The following RMDN2 variants were observed in gnomAD, a reference collection of about 807,000 sequenced individuals.
RMDN2 encodes regulator of microtubule dynamics protein 2.
In RMDN2, 61 loss-of-function variants were observed where a neutral mutation model predicts 52.8. The ratio of observed to expected loss-of-function variants is 1.16; its 90% CI spans 0.94 to 1.43. The LOEUF (loss-of-function observed/expected upper bound fraction) is 1.43. Among genes scored for constraint, RMDN2 ranks in the 40% most tolerant of loss-of-function variants. The probability of loss-of-function intolerance (pLI) is 0.00; values close to 1 mark genes in which losing one functional copy is unlikely to be tolerated. For synonymous variants in RMDN2, 180 were observed against 153.1 expected (o/e 1.18, Z -1.30); for missense variants, 592 against 475.3 (o/e 1.25, Z -2.28).
chr2:38,047,569 G>A (rs1008259658), intron 10 of RMDN2, among the ~76,000 whole-genome samples: 1 of 152,180 alleles, frequency 6.6e-6, no homozygotes, highest in Non-Finnish European at 1.5e-5. Flanking sequence ...AACATGAGAT[G>A]TCTTTCTTAC....
intron 2 of RMDN2, chr2:37,951,741 A>G (rs1481497773): frequency 6.2e-7 from 1 of 1,612,764 alleles, no homozygotes; most frequent in Admixed American, 1.7e-5. Flanking sequence ...AAAACATATA[A>G]CCATCTCTGC....
intron 10 of RMDN2, among the ~76,000 whole-genome samples, chr2:38,032,020 T>C (rs898318320): frequency 6.6e-6 from 1 of 152,190 alleles, no homozygotes; most frequent in African/African-American, 2.4e-5. Context: ...GAGTGCTCTC[T>C]CTCTCTCACT....
At chr2:37,976,411 A>T (rs1171531895) in intron 4 of RMDN2, 1 of 152,222 alleles carries the variant, frequency 6.6e-6, no homozygotes, top group Non-Finnish European at 1.5e-5. Context: ...TCTCATTTCC[A>T]GGCTTTTCTT....
intron 10 of RMDN2, among the ~76,000 whole-genome samples, chr2:38,028,716 C>A (rs1194012454): frequency 6.6e-6 from 1 of 152,182 alleles, no homozygotes; most frequent in Non-Finnish European, 1.5e-5. Flanking sequence ...ACCTCCCATT[C>A]CTACCCCCAT....
intron 10 of RMDN2, chr2:38,012,717 C>A: frequency 2.7e-6 from 1 of 374,940 alleles, no homozygotes; most frequent in Non-Finnish European, 5.3e-6. Context: ...TATGTAATAC[C>A]CCTCCATCTC....
chr2:38,000,457 AT>A (rs1485737660), intron 8 of RMDN2, among the ~76,000 whole-genome samples: 1 of 152,214 alleles, frequency 6.6e-6, no homozygotes, highest in Non-Finnish European at 1.5e-5. Flanking sequence ...TCAAGATAGC[AT>A]TTTCATCATC....
chr2:38,056,476 GT>G (rs888014060), intron 10 of RMDN2, among the ~76,000 whole-genome samples: 1 of 152,148 alleles, frequency 6.6e-6, no homozygotes, highest in African/African-American at 2.4e-5. Context: ...TTTTATAACA[GT>G]TTTATCTTAG....
At chr2:37,951,552 TC>T (rs1275932440) in intron 2 of RMDN2, 25 of 1,612,638 alleles carry the variant, frequency 1.6e-5, no homozygotes, top group Non-Finnish European at 2.0e-5. Context: ...TATAAAATCT[TC>T]CTCAGACCAT....
intron 2 of RMDN2, among the ~76,000 whole-genome samples, chr2:37,959,252 G>T (rs1669877826): frequency 6.6e-6 from 1 of 150,936 alleles, no homozygotes; most frequent in Non-Finnish European, 1.5e-5. Flanking sequence ...TGTACCTCTG[G>T]TAGAATTCAG....
chr2:37,922,287 A>G (rs919473396), upstream of RMDN2, among the ~76,000 whole-genome samples: 2 of 152,202 alleles, frequency 1.3e-5, no homozygotes, highest in African/African-American at 2.4e-5. Context: ...TGTAAGTTTG[A>G]TAAGATTTGG....
At chr2:37,922,539 G>T (rs147729464), upstream of RMDN2, among the ~76,000 whole-genome samples, 1 of 152,046 alleles carries the variant, frequency 6.6e-6, no homozygotes, top group South Asian at 2.1e-4. Context: ...TAATATAGAG[G>T]GTGTGCACCA....
intron 2 of RMDN2, among the ~76,000 whole-genome samples, chr2:37,940,287 C>A (rs765791607): frequency 6.6e-6 from 1 of 152,122 alleles, no homozygotes; most frequent in African/African-American, 2.4e-5. Flanking sequence ...GTGGGTAACT[C>A]GACCTTTCTC....
At chr2:38,031,739 A>G (rs1488985384) in intron 10 of RMDN2, among the ~76,000 whole-genome samples, 1 of 152,170 alleles carries the variant, frequency 6.6e-6, no homozygotes, top group Non-Finnish European at 1.5e-5. Flanking sequence ...GAAGCAAAAG[A>G]TGCACATCCT....
At chr2:37,954,162 G>A (rs1317462789) in intron 2 of RMDN2, among the ~76,000 whole-genome samples, 2 of 151,906 alleles carry the variant, frequency 1.3e-5, no homozygotes, top group African/African-American at 4.8e-5. Flanking sequence ...TTTTTACTCT[G>A]TTGATTATGT....
At chr2:37,980,403 A>T (rs1673148122) in intron 4 of RMDN2, among the ~76,000 whole-genome samples, 2 of 152,148 alleles carry the variant, frequency 1.3e-5, no homozygotes. Flanking sequence ...TCCTGGGATC[A>T]AGTGATTCTC....
rs981922993 is a variant in RMDN2 at position 37,947,862 on chromosome 2, C to A, written c.452+18133C>A. On this transcript the variant is annotated intron_variant, in intron 2 of 10. Coordinates refer to ENST00000354545, the MANE Select transcript of RMDN2 (RefSeq NM_001170791.3). ...ATGTTCTTTGTGTTAAGGATTCAGT[C>A]CCAGTCAGGGTTCTCCCCTTGTGCC... 2.6e-5 allele frequency among the ~76,000 whole-genome samples: 4 copies of A among 152,274 alleles called. No individual in the cohort carries two copies. In the South Asian group the frequency reaches 8.3e-4, roughly 32 times the overall value.
At chr2:38,030,779 C>A (rs936092261) in intron 10 of RMDN2, 2 of 152,206 alleles carry the variant, frequency 1.3e-5, no homozygotes, top group African/African-American at 4.8e-5. Context: ...CACTTTGTTT[C>A]TAAGACTGTG....
At chr2:38,042,662 A>T (rs1361324576) in intron 10 of RMDN2, among the ~76,000 whole-genome samples, 2 of 152,164 alleles carry the variant, frequency 1.3e-5, no homozygotes, top group African/African-American at 4.8e-5. Flanking sequence ...CTCTAAGCAC[A>T]GCTTTCACTG....
At chr2:37,921,846 G>C (rs994883008), upstream of RMDN2, among the ~76,000 whole-genome samples, 1 of 152,202 alleles carries the variant, frequency 6.6e-6, no homozygotes, top group African/African-American at 2.4e-5. Flanking sequence ...TACTTCATTA[G>C]ATTGTTGGGA....
Sources: allele counts gnomAD v4.1 joint callset (sites outside exome capture counted in the v4.1 genomes callset), GRCh38; gene constraint gnomAD v4.1.1; transcripts MANE v1.5; gene names NCBI Gene and HGNC (gene_info 2026-07-23, HGNC 2026-07-21).